The following DMD variants were observed in gnomAD, a reference collection of about 807,000 sequenced individuals.
The protein encoded by DMD is mutant dystrophin.
In DMD, 63 loss-of-function variants were observed where a neutral mutation model predicts 330.1. The ratio of observed to expected loss-of-function variants is 0.19; its 90% CI spans 0.16 to 0.24. DMD has a LOEUF of 0.24. Ranked by LOEUF, DMD falls within the 10% of genes least tolerant of loss-of-function variation. DMD has a pLI of 1.00. For synonymous variants in DMD, 1,223 were observed against 959.8 expected (o/e 1.27, Z -5.07); for missense variants, 3,344 against 2,684.1 (o/e 1.25, Z -5.43).
chrX:32,961,727 G>A (rs933533452), intron 2 of DMD, among the ~76,000 whole-genome samples: 1 of 111,253 alleles, frequency 9.0e-6, no homozygotes, highest in Admixed American at 9.7e-5. Context: ...GCTATTTGAA[G>A]GTACAGTTTT....
chrX:33,196,348 G>C (rs1213625799), intron 1 of DMD, among the ~76,000 whole-genome samples: 6 of 111,447 alleles, frequency 5.4e-5, no homozygotes, highest in Non-Finnish European at 1.1e-4. Flanking sequence ...TACTGTGAAA[G>C]ACCTTGTACG....
chrX:31,626,642 C>A (rs1016448039), intron 55 of DMD, among the ~76,000 whole-genome samples: 1 of 110,823 alleles, frequency 9.0e-6, no homozygotes, highest in Non-Finnish European at 1.9e-5. Context: ...TGCAACAGAG[C>A]AGCAAAGTAG....
chrX:31,917,939 T>C (rs778824631), intron 47 of DMD, among the ~76,000 whole-genome samples: 1 of 111,948 alleles, frequency 8.9e-6, no homozygotes, highest in Admixed American at 9.4e-5. Flanking sequence ...ACCAGAGTAC[T>C]AGAAGAAAAC....
intron 55 of DMD, among the ~76,000 whole-genome samples, chrX:31,562,816 T>G (rs1357203718): frequency 8.9e-6 from 1 of 111,759 alleles, no homozygotes; most frequent in East Asian, 2.8e-4. Context: ...TCCTTATAGC[T>G]TTTGAGTTTT....
chrX:32,189,239 G>C (rs1489078432), intron 44 of DMD, among the ~76,000 whole-genome samples: 1 of 108,690 alleles, frequency 9.2e-6, no homozygotes, highest in Non-Finnish European at 1.9e-5. Context: ...TTTAGAGGTG[G>C]AGGTCTTGCT....
chrX:33,124,992 C>T (rs1603318528), intron 1 of DMD, among the ~76,000 whole-genome samples: 1 of 94,101 alleles, frequency 1.1e-5, no homozygotes, highest in African/African-American at 4.1e-5. Flanking sequence ...CCATTGCACT[C>T]CAGCCTGGGC....
Position 32,448,572 on chromosome X carries a change from C to A in DMD, c.3670G>T (p.Val1224Phe). 1.7e-6 allele frequency: 2 copies of A among 1,208,625 alleles called. No individual in the cohort carries two copies. Among genetic ancestry groups the A allele is most frequent in the Non-Finnish European group, 2.2e-6 (2 of 893,317 alleles). Residue 1224 changes from valine (V) to phenylalanine (F), a missense_variant, in exon 27 of 79, where the codon GTC becomes TTC. Transcript: ENST00000357033. ...GCTACAGGTGGAGCTTGAGCTATGA[C>A]ACTATTTACAGACTCAGTAAGGAGT... ...VKLLTESVNS[V>F]IAQAPPVAQE...
intron 2 of DMD, among the ~76,000 whole-genome samples, chrX:32,923,781 T>G (rs1182401883): frequency 3.6e-5 from 4 of 111,735 alleles, no homozygotes; most frequent in African/African-American, 1.3e-4. Flanking sequence ...AGGGATTGTC[T>G]GGTTTTATTT....
In DMD at chrX:31,822,544, G is replaced by A. The variant is rs377107125; in HGVS notation, c.7201-2461C>T. Among the ~76,000 whole-genome samples, 10 of 111,072 alleles carry A rather than the reference G, an allele frequency of 9.0e-5. No homozygotes were observed. The East Asian group carries it at 2.6e-3, about 28-fold the overall frequency. Reference sequence around the variant, plus strand: ...TACGATTCGTGTTTTGCATTGTGGAGGCTTTATCAGAAGGGTGCAGAGATA... The same window carrying A: ...TACGATTCGTGTTTTGCATTGTGGAAGCTTTATCAGAAGGGTGCAGAGATA... On this transcript the variant is annotated intron_variant, in intron 49 of 78. Coordinates refer to ENST00000357033, the MANE Select transcript of DMD (RefSeq NM_004006.3).
chrX:32,593,895 A>G (rs1036403375), intron 13 of DMD, among the ~76,000 whole-genome samples: 2 of 112,656 alleles, frequency 1.8e-5, no homozygotes, highest in Non-Finnish European at 3.7e-5. Flanking sequence ...AAAGTTAAGG[A>G]CAAGACTCTA....
At chrX:31,560,643 G>A (rs1425037116) in intron 55 of DMD, among the ~76,000 whole-genome samples, 3 of 110,681 alleles carry the variant, frequency 2.7e-5, no homozygotes, top group Non-Finnish European at 3.8e-5. Context: ...TATACCCATT[G>A]GCTGGGCCCA....
intron 1 of DMD, among the ~76,000 whole-genome samples, chrX:33,049,482 A>G (rs1337262477): frequency 9.0e-6 from 1 of 111,529 alleles, no homozygotes; most frequent in East Asian, 2.8e-4. Flanking sequence ...GAGAGACAAT[A>G]TTAAATTCAA....
intron 44 of DMD, chrX:32,206,004 C>T: frequency 4.2e-6 from 2 of 477,781 alleles, no homozygotes; most frequent in Middle Eastern, 6.4e-4. Flanking sequence ...TGAAATTGAG[C>T]AACAGTTATC....
chrX:32,646,523 A>G (rs774493525), intron 9 of DMD, among the ~76,000 whole-genome samples: 1 of 111,381 alleles, frequency 9.0e-6, no homozygotes, highest in Non-Finnish European at 1.9e-5. Context: ...TAAAGGAATC[A>G]AAAAGCAGTG....
chrX:32,790,470 G>A (rs372602606), intron 7 of DMD, among the ~76,000 whole-genome samples: 1 of 111,652 alleles, frequency 9.0e-6, no homozygotes. Context: ...AGCCCATGCT[G>A]GGTTCCACAA....
intron 7 of DMD, among the ~76,000 whole-genome samples, chrX:32,728,255 C>G (rs769853953): frequency 9.0e-6 from 1 of 111,457 alleles, no homozygotes; most frequent in Admixed American, 9.6e-5. Context: ...CCAGACACTC[C>G]AGAGTAACAT....
intron 50 of DMD, among the ~76,000 whole-genome samples, chrX:31,792,647 C>T (rs6631404): frequency 0.12 from 13,608 of 111,228 alleles, 662 homozygotes; most frequent in East Asian, 0.25. Flanking sequence ...AACAGGGGTG[C>T]CTTATTTACT....
chrX:32,784,129 C>T (rs1436928737), intron 7 of DMD, among the ~76,000 whole-genome samples: 1 of 110,929 alleles, frequency 9.0e-6, no homozygotes, highest in Non-Finnish European at 1.9e-5. Flanking sequence ...ACAACTGTTC[C>T]TATTAAATCG....
In DMD at chrX:31,120,250, TCTC is replaced by T. The variant is rs991177391; in HGVS notation, c.*1666_*1668del. 7 of 112,455 alleles carry T rather than the reference TCTC, an allele frequency of 6.2e-5. No homozygotes were observed. Among genetic ancestry groups the T allele is most frequent in the African/African-American group, 2.3e-4 (7 of 30,942 alleles). 9.3% of individuals were successfully genotyped at this position (112,455 alleles called of 1,213,427 possible). A position where few individuals can be genotyped will look rare whatever the true frequency, so the allele number is the denominator to read the frequency against. ...TCCTTAGCTTTTCCTCTTGAGCTTT[TCTC>T]CTCTTTTTTGAGCAATTTTTGTTTG... On this transcript the variant is annotated 3_prime_UTR_variant, in exon 79 of 79. Transcript: ENST00000357033.
Sources: gnomAD v4.1 joint callset for allele counts (sites outside exome capture counted in the v4.1 genomes callset) on GRCh38, gnomAD v4.1.1 for gene constraint, MANE v1.5 for transcripts, NCBI Gene and HGNC (gene_info 2026-07-23, HGNC 2026-07-21) for gene names.